TNS3: variants seen among roughly 807,000 people sequenced by gnomAD.
TNS3 encodes the protein tensin 3.
In TNS3, 45 loss-of-function variants were observed where a neutral mutation model predicts 140.9. The ratio of observed to expected loss-of-function variants is 0.32; its 90% CI spans 0.25 to 0.41. TNS3 has a LOEUF of 0.41. TNS3 is among the 10% of genes least tolerant of loss of function. The pLI, the probability that TNS3 is intolerant of heterozygous loss-of-function variation, is 1.00. For synonymous variants in TNS3, 815 were observed against 788.4 expected (o/e 1.03, Z -0.56); for missense variants, 1,716 against 1,906.7 (o/e 0.90, Z 1.86).
At chr7:47,430,516 C>G (rs1425378879) in intron 8 of TNS3, among the ~76,000 whole-genome samples, 1 of 152,084 alleles carries the variant, frequency 6.6e-6, no homozygotes, top group Non-Finnish European at 1.5e-5. Context: ...CAACAATGGA[C>G]AGATCACCTA....
At chr7:47,448,146 A>G (rs1795841839) in intron 4 of TNS3, among the ~76,000 whole-genome samples, 1 of 152,224 alleles carries the variant, frequency 6.6e-6, no homozygotes, top group South Asian at 2.1e-4. Context: ...TGGCTGTCAC[A>G]TCAACACCAT....
chr7:47,559,649 T>C (rs540238525), intron 1 of TNS3, among the ~76,000 whole-genome samples: 1 of 152,154 alleles, frequency 6.6e-6, no homozygotes, highest in Non-Finnish European at 1.5e-5. Flanking sequence ...GCCCTCCTGC[T>C]CTACATCTCT....
chr7:47,487,204 CAGG>C (rs1797644026), intron 3 of TNS3, among the ~76,000 whole-genome samples: 1 of 151,792 alleles, frequency 6.6e-6, no homozygotes, highest in African/African-American at 2.4e-5. Flanking sequence ...GAGGCTGAGA[CAGG>C]AGAATTGCTT....
intron 20 of TNS3, among the ~76,000 whole-genome samples, chr7:47,314,650 G>T (rs1031748443): frequency 6.6e-6 from 1 of 152,212 alleles, no homozygotes; most frequent in African/African-American, 2.4e-5. Flanking sequence ...AACATTTTTA[G>T]CAATGTTAAA....
At chr7:47,477,855 G>A (rs1376607496) in intron 4 of TNS3, among the ~76,000 whole-genome samples, 1 of 152,192 alleles carries the variant, frequency 6.6e-6, no homozygotes, top group Non-Finnish European at 1.5e-5. Context: ...CCCAAGCTCC[G>A]CTAAATGGGG....
At chr7:47,283,178 C>G (rs1226309164) in intron 28 of TNS3, among the ~76,000 whole-genome samples, 2 of 152,226 alleles carry the variant, frequency 1.3e-5, no homozygotes, top group Non-Finnish European at 2.9e-5. Flanking sequence ...CATGCTTATG[C>G]TGGGCATTCA....
chr7:47,390,794 A>G (rs1792467111), intron 16 of TNS3, among the ~76,000 whole-genome samples: 1 of 151,982 alleles, frequency 6.6e-6, no homozygotes. Flanking sequence ...TACCTCCTAA[A>G]TATCTAAAGG....
At chr7:47,305,796 A>G (rs1339249907) in intron 20 of TNS3, among the ~76,000 whole-genome samples, 1 of 152,216 alleles carries the variant, frequency 6.6e-6, no homozygotes, top group East Asian at 1.9e-4. Context: ...CTTTTTTTAA[A>G]CCAGGCTTCA....
chr7:47,389,682 C>T (rs1401173869), intron 16 of TNS3, among the ~76,000 whole-genome samples: 3 of 152,322 alleles, frequency 2.0e-5, no homozygotes, highest in African/African-American at 7.2e-5. Context: ...ACAGAGGGTA[C>T]GCCTCTCGCA....
intron 16 of TNS3, among the ~76,000 whole-genome samples, chr7:47,391,720 C>G (rs10255355): frequency 0.23 from 34,839 of 152,088 alleles, 4,144 homozygotes; most frequent in East Asian, 0.39. Context: ...GACACATATG[C>G]TGCTGTGGGC....
At chr7:47,298,342 T>C (rs114339530) in intron 23 of TNS3, among the ~76,000 whole-genome samples, 2,051 of 152,236 alleles carry the variant, frequency 0.013, 39 homozygotes, top group African/African-American at 0.047. Context: ...GTGAGGCTGG[T>C]AGGCATTCAA....
At chr7:47,574,950 A>G (rs573247416) in intron 1 of TNS3, among the ~76,000 whole-genome samples, 2 of 152,306 alleles carry the variant, frequency 1.3e-5, no homozygotes, top group South Asian at 4.1e-4. Flanking sequence ...TGATGGCTGC[A>G]CAACGTGAAG....
chr7:47,283,027 C>T (rs553129408), intron 28 of TNS3, among the ~76,000 whole-genome samples: 31 of 152,264 alleles, frequency 2.0e-4, no homozygotes, highest in Non-Finnish European at 7.4e-5. Flanking sequence ...GCTGCTGCCA[C>T]GGTTGATGCC....
chr7:47,333,454 T>C (rs1425978355), intron 20 of TNS3, among the ~76,000 whole-genome samples: 3 of 152,224 alleles, frequency 2.0e-5, no homozygotes, highest in Admixed American at 6.5e-5. Context: ...TACCTGAATA[T>C]AAACCCATGG....
chr7:47,405,406 G>T, intron 13 of TNS3: 1 of 663,276 alleles, frequency 1.5e-6, no homozygotes, highest in South Asian at 1.7e-5. Flanking sequence ...TGAACTCAGA[G>T]AATGAGTTAC....
chr7:47,496,474 G>A (rs886915958), intron 3 of TNS3, among the ~76,000 whole-genome samples: 5 of 152,200 alleles, frequency 3.3e-5, no homozygotes, highest in South Asian at 2.1e-4. Context: ...GAAGCAGGCG[G>A]GGGGAGGTGA....
rs557157387 is a variant in TNS3, at chr7:47,575,542, G to A, written c.-265+6509C>T. On this transcript the variant is annotated intron_variant, in intron 1 of 30. Coordinates refer to ENST00000311160, the MANE Select transcript of TNS3 (RefSeq NM_022748.12). ...TTAAGAAGCAAAGATACGGCCGGGC[G>A]CGGTGGCTCACGCCTGTAATCCCAG... Among the ~76,000 whole-genome samples the A allele has an allele frequency of 9.2e-5, 14 of 152,172 alleles. No homozygotes were observed. In the South Asian group the frequency reaches 1.3e-3, roughly 14 times the overall value.
intron 16 of TNS3, among the ~76,000 whole-genome samples, chr7:47,384,396 G>C (rs1791953794): frequency 6.6e-6 from 1 of 152,214 alleles, no homozygotes; most frequent in South Asian, 2.1e-4. Flanking sequence ...AGCCCTGCGG[G>C]CTGCCATTGC....
At chr7:47,301,184 T>C (rs1786379112) in intron 23 of TNS3, among the ~76,000 whole-genome samples, 1 of 152,144 alleles carries the variant, frequency 6.6e-6, no homozygotes, top group South Asian at 2.1e-4. Context: ...GGGCAGCTTG[T>C]CATTTCTCAC....
Sources: gnomAD v4.1 joint callset for allele counts (sites outside exome capture counted in the v4.1 genomes callset) on GRCh38, gnomAD v4.1.1 for gene constraint, MANE v1.5 for transcripts, NCBI Gene and HGNC (gene_info 2026-07-23, HGNC 2026-07-21) for gene names.